The following KITLG variants were observed in gnomAD, a reference collection of about 807,000 sequenced individuals.
The protein encoded by KITLG is KIT ligand.
KITLG carries 13 observed loss-of-function variants against 34.1 expected under a neutral mutation model. That is an observed-to-expected ratio of 0.38 (90% CI 0.25 to 0.61). The LOEUF (loss-of-function observed/expected upper bound fraction) is 0.61. KITLG is among the 20% of genes least tolerant of loss of function. The pLI is 0.60. For missense variants in KITLG, 292 were observed against 318.9 expected, an observed-to-expected ratio of 0.92 and a Z score of 0.64; for synonymous variants, 110 against 104.0, an observed-to-expected ratio of 1.06 and a Z score of -0.35.
chr12:88,509,501 T>C (rs1369489938), intron 6 of KITLG, among the ~76,000 whole-genome samples: 1 of 152,166 alleles, frequency 6.6e-6, no homozygotes, highest in African/African-American at 2.4e-5. Context: ...GTGCGGTGAC[T>C]ACCATGTTGA....
intron 1 of KITLG, among the ~76,000 whole-genome samples, chr12:88,553,604 T>C (rs1870998634): frequency 6.6e-6 from 1 of 152,202 alleles, no homozygotes; most frequent in Non-Finnish European, 1.5e-5. Flanking sequence ...CCTGGGTAGT[T>C]CTCGATTTTT....
At chr12:88,570,611 T>C (rs1244851560) in intron 1 of KITLG, among the ~76,000 whole-genome samples, 2 of 152,156 alleles carry the variant, frequency 1.3e-5, no homozygotes, top group Admixed American at 6.6e-5. Context: ...GTGCATTATA[T>C]TGTAGTGATT....
At chr12:88,501,648 C>T (rs1049187462) in intron 9 of KITLG, among the ~76,000 whole-genome samples, 2 of 152,150 alleles carry the variant, frequency 1.3e-5, no homozygotes, top group Non-Finnish European at 2.9e-5. Context: ...GATATACACA[C>T]ATTTTTACTT....
At chr12:88,579,655 CCA>C (rs1182757459) in intron 1 of KITLG, among the ~76,000 whole-genome samples, 1 of 152,096 alleles carries the variant, frequency 6.6e-6, no homozygotes, top group South Asian at 2.1e-4. Context: ...TCTTTAGAGC[CCA>C]CACAGAGCTG....
intron 1 of KITLG, among the ~76,000 whole-genome samples, chr12:88,565,888 G>A (rs886718101): frequency 9.2e-5 from 14 of 152,128 alleles, no homozygotes; most frequent in Non-Finnish European, 1.8e-4. Context: ...CTGGCACAGA[G>A]AATAAGCATC....
chr12:88,524,933 G>C (rs1346431717), intron 3 of KITLG, among the ~76,000 whole-genome samples: 2 of 152,136 alleles, frequency 1.3e-5, no homozygotes, highest in African/African-American at 2.4e-5. Flanking sequence ...TAGGAGTGGA[G>C]CCTCAGAATC....
At chr12:88,560,411 T>C (rs1871257219) in intron 1 of KITLG, among the ~76,000 whole-genome samples, 1 of 152,212 alleles carries the variant, frequency 6.6e-6, no homozygotes, top group African/African-American at 2.4e-5. Flanking sequence ...GTTTTCTTTT[T>C]AATTGCACAT....
intron 1 of KITLG, among the ~76,000 whole-genome samples, chr12:88,579,853 A>G (rs189007694): frequency 6.6e-6 from 1 of 152,282 alleles, no homozygotes; most frequent in East Asian, 1.9e-4. Flanking sequence ...TGAGAGAGCT[A>G]GTGAGGGTGG....
intron 2 of KITLG, among the ~76,000 whole-genome samples, chr12:88,544,992 C>T (rs777280358): frequency 2.2e-4 from 33 of 152,264 alleles, no homozygotes; most frequent in Admixed American, 9.8e-4. Flanking sequence ...TTAAAAATTG[C>T]TTCTCAAGCT....
intron 4 of KITLG, among the ~76,000 whole-genome samples, chr12:88,516,786 A>G (rs1021447916): frequency 1.8e-4 from 27 of 149,316 alleles, no homozygotes; most frequent in Admixed American, 1.1e-3. Context: ...CTCATTAAAA[A>G]CATGAGGGTT....
chr12:88,511,399 C>T (rs1869271973), intron 6 of KITLG, among the ~76,000 whole-genome samples: 1 of 152,142 alleles, frequency 6.6e-6, no homozygotes, highest in African/African-American at 2.4e-5. Flanking sequence ...TTTCAGCTCT[C>T]CTGTCTGGGG....
chr12:88,527,194 T>C (rs1869906154), intron 3 of KITLG, among the ~76,000 whole-genome samples: 1 of 152,140 alleles, frequency 6.6e-6, no homozygotes, highest in African/African-American at 2.4e-5. Context: ...GGAGGCCTTG[T>C]TGAAGCAGCT....
At position 88,497,025 on chromosome 12, in the gene KITLG, C is replaced by A. The variant is rs1868666193; in HGVS notation, c.*194G>T. The A allele has an allele frequency of 3.1e-6, 1 of 322,796 alleles. No individual in the cohort carries two copies. The allele number at this position is 322,796 out of a possible 1,614,324, so 20.0% of individuals were successfully genotyped here. On this transcript the variant is annotated 3_prime_UTR_variant, in exon 10 of 10. Coordinates refer to ENST00000644744, the MANE Select transcript of KITLG (RefSeq NM_000899.5). ...TTCTTTATAGATGATTAATTCAGTG[C>A]CAGTTTCACAGTAAAACATTCTGTT...
intron 9 of KITLG, among the ~76,000 whole-genome samples, chr12:88,504,590 T>G (rs1042964235): frequency 6.6e-6 from 1 of 151,984 alleles, no homozygotes; most frequent in Non-Finnish European, 1.5e-5. Context: ...GTTAGAATGG[T>G]GATCATTAAA....
At chr12:88,554,906 G>C (rs1001193774) in intron 1 of KITLG, among the ~76,000 whole-genome samples, 4 of 152,094 alleles carry the variant, frequency 2.6e-5, no homozygotes, top group Admixed American at 2.6e-4. Context: ...CAATAAAACA[G>C]ATGTTACCAG....
At chr12:88,549,118 G>C (rs1870811341) in intron 1 of KITLG, among the ~76,000 whole-genome samples, 3 of 152,170 alleles carry the variant, frequency 2.0e-5, no homozygotes, top group Non-Finnish European at 4.4e-5. Context: ...TAAGGCATCT[G>C]TTATTTAAGA....
chr12:88,545,182 C>G (rs1346775574), intron 2 of KITLG, among the ~76,000 whole-genome samples: 1 of 152,110 alleles, frequency 6.6e-6, no homozygotes, highest in African/African-American at 2.4e-5. Context: ...AATGCAAATG[C>G]TTTCGCTGAG....
intron 3 of KITLG, among the ~76,000 whole-genome samples, chr12:88,530,280 T>C (rs572411446): frequency 2.6e-4 from 40 of 152,162 alleles, no homozygotes; most frequent in Non-Finnish European, 3.4e-4. Context: ...GTTAAGAGTC[T>C]GATGACCTAC....
At chr12:88,548,792 G>C (rs1441032975) in intron 1 of KITLG, among the ~76,000 whole-genome samples, 1 of 152,174 alleles carries the variant, frequency 6.6e-6, no homozygotes, top group East Asian at 1.9e-4. Context: ...AATTCCCTTG[G>C]AGGAAGTATA....
Sources: gnomAD v4.1 joint callset for allele counts (sites outside exome capture counted in the v4.1 genomes callset) on GRCh38, gnomAD v4.1.1 for gene constraint, MANE v1.5 for transcripts, NCBI Gene and HGNC (gene_info 2026-07-23, HGNC 2026-07-21) for gene names.